Variants in CDH18 observed in about 807,000 individuals in gnomAD.
CDH18 encodes cadherin-18.
CDH18 carries 31 observed loss-of-function variants against 67.9 expected under a neutral mutation model. The ratio of observed to expected loss-of-function variants is 0.46; its 90% CI spans 0.34 to 0.62. The LOEUF (loss-of-function observed/expected upper bound fraction) is 0.62, where lower values mean the gene tolerates loss of function less well. CDH18 is among the 20% of genes least tolerant of loss of function. CDH18 has a pLI of 0.01. For missense variants in CDH18, 890 were observed against 975.5 expected (o/e 0.91, Z 1.17); for synonymous variants, 362 against 347.2 (o/e 1.04, Z -0.48).
At chr5:20,234,612 T>A (rs1373252964) in intron 2 of CDH18, among the ~76,000 whole-genome samples, 2 of 152,096 alleles carry the variant, frequency 1.3e-5, no homozygotes, top group African/African-American at 4.8e-5. Context: ...TCCAGGTTCC[T>A]GAACTGTGAA....
chr5:19,958,811 A>G (rs746608250), intron 2 of CDH18, among the ~76,000 whole-genome samples: 4 of 152,038 alleles, frequency 2.6e-5, no homozygotes, highest in Non-Finnish European at 5.9e-5. Context: ...GTTGCATCGC[A>G]TTTTATGGTT....
chr5:20,118,724 C>CTGTT (rs750744174), intron 2 of CDH18, among the ~76,000 whole-genome samples: 21 of 152,172 alleles, frequency 1.4e-4, no homozygotes, highest in Non-Finnish European at 2.5e-4. Flanking sequence ...TCCCTTCTCG[C>CTGTT]TGTTCCCTTT....
intron 1 of CDH18, among the ~76,000 whole-genome samples, chr5:20,519,973 T>A (rs1755641596): frequency 2.3e-5 from 2 of 85,594 alleles, no homozygotes; most frequent in South Asian, 5.0e-4. Flanking sequence ...TTTTTTTTTT[T>A]TTTTTTTTGT....
At chr5:20,096,987 A>ACT (rs1467550031) in intron 2 of CDH18, among the ~76,000 whole-genome samples, 1 of 152,132 alleles carries the variant, frequency 6.6e-6, no homozygotes, top group African/African-American at 2.4e-5. Flanking sequence ...TGTGACGGAT[A>ACT]CTCAATTGAA....
intron 7 of CDH18, among the ~76,000 whole-genome samples, chr5:19,578,954 C>T (rs1742767470): frequency 6.6e-6 from 1 of 151,882 alleles, no homozygotes; most frequent in Non-Finnish European, 1.5e-5. Context: ...ACTATTTTAA[C>T]TTTGAGTCCT....
chr5:19,613,422 C>T (rs1039713190), intron 5 of CDH18, among the ~76,000 whole-genome samples: 4 of 152,140 alleles, frequency 2.6e-5, no homozygotes, highest in African/African-American at 9.6e-5. Flanking sequence ...GTATCAAAGA[C>T]TAAGAAACTC....
chr5:19,804,860 T>C (rs1371177035), intron 3 of CDH18, among the ~76,000 whole-genome samples: 3 of 152,162 alleles, frequency 2.0e-5, no homozygotes, highest in Non-Finnish European at 4.4e-5. Flanking sequence ...TGAATATGGC[T>C]CAGCCTCTGA....
At chr5:20,409,160 T>C (rs1049047548) in intron 1 of CDH18, among the ~76,000 whole-genome samples, 8 of 151,870 alleles carry the variant, frequency 5.3e-5, no homozygotes, top group African/African-American at 1.4e-4. Context: ...AGCAACACTA[T>C]AGAGCGAATG....
intron 6 of CDH18, among the ~76,000 whole-genome samples, chr5:19,604,247 A>G (rs1372907277): frequency 6.6e-6 from 1 of 152,064 alleles, no homozygotes; most frequent in Admixed American, 6.6e-5. Flanking sequence ...TTACTTGAAT[A>G]AGTCATTCCC....
intron 1 of CDH18, among the ~76,000 whole-genome samples, chr5:20,256,441 G>A (rs530181909): frequency 2.0e-5 from 3 of 152,128 alleles, no homozygotes; most frequent in Admixed American, 2.0e-4. Context: ...TCAAACAGAT[G>A]CCTCAAATAC....
chr5:20,202,830 T>C (rs1043341376), intron 2 of CDH18, among the ~76,000 whole-genome samples: 3 of 152,028 alleles, frequency 2.0e-5, no homozygotes, highest in African/African-American at 7.2e-5. Flanking sequence ...CATACCTATA[T>C]TAATAATAAA....
intron 1 of CDH18, among the ~76,000 whole-genome samples, chr5:20,370,432 G>T (rs1742884465): frequency 6.6e-6 from 1 of 152,066 alleles, no homozygotes; most frequent in African/African-American, 2.4e-5. Flanking sequence ...TCAGGGAAAT[G>T]ATACTAGCTG....
intron 1 of CDH18, among the ~76,000 whole-genome samples, chr5:20,540,854 T>G (rs903458438): frequency 6.6e-6 from 1 of 152,218 alleles, no homozygotes; most frequent in African/African-American, 2.4e-5. Flanking sequence ...TGAAGACCTT[T>G]GTCAAATGCA....
Position 20,111,618 on chromosome 5 carries a change from C to T in CDH18, c.-517-119604G>A, listed in dbSNP as rs575039812. Among the ~76,000 whole-genome samples, 10 of 141,708 alleles carry T rather than the reference C, an allele frequency of 7.1e-5. No homozygotes were observed. In the South Asian group the frequency reaches 1.2e-3, roughly 17 times the overall value. The allele number at this position is 141,708 out of a possible 152,430, so 93.0% of individuals were successfully genotyped here. A position where few individuals can be genotyped will look rare whatever the true frequency, so the allele number is the denominator to read the frequency against. On this transcript the variant is annotated intron_variant, in intron 2 of 14. Coordinates refer to the CDH18 transcript ENST00000507958. Reference sequence around the variant, plus strand: ...CTGGAGTGCTGGTGCGATCTCAGCTCACTGCAACCTCCACCTCCCTGGTTC... The same window carrying T: ...CTGGAGTGCTGGTGCGATCTCAGCTTACTGCAACCTCCACCTCCCTGGTTC...
intron 2 of CDH18, among the ~76,000 whole-genome samples, chr5:20,162,823 C>T (rs1735995535): frequency 6.6e-6 from 1 of 151,844 alleles, no homozygotes; most frequent in South Asian, 2.1e-4. Flanking sequence ...CTTTGGGAGG[C>T]CAAGGCAGGA....
intron 2 of CDH18, among the ~76,000 whole-genome samples, chr5:20,075,660 C>A (rs1743864394): frequency 6.6e-6 from 1 of 151,972 alleles, no homozygotes; most frequent in Non-Finnish European, 1.5e-5. Flanking sequence ...ATTTTTCATG[C>A]GAGGAGAAGG....
At chr5:20,126,147 G>A (rs935610725) in intron 2 of CDH18, among the ~76,000 whole-genome samples, 62 of 152,080 alleles carry the variant, frequency 4.1e-4, no homozygotes, top group African/African-American at 1.3e-3. Context: ...TAAGGAGCGC[G>A]GTCATAAACA....
chr5:19,546,979 A>C (rs1736440529), intron 8 of CDH18, among the ~76,000 whole-genome samples: 1 of 152,218 alleles, frequency 6.6e-6, no homozygotes, highest in Non-Finnish European at 1.5e-5. Flanking sequence ...TACAACTCTA[A>C]AGTAAATCTT....
intron 2 of CDH18, among the ~76,000 whole-genome samples, chr5:20,231,118 A>G (rs1054900312): frequency 6.6e-6 from 1 of 152,196 alleles, no homozygotes; most frequent in African/African-American, 2.4e-5. Flanking sequence ...AATCTGTTTT[A>G]TATTCAAAAT....
Sources: allele counts gnomAD v4.1 joint callset (sites outside exome capture counted in the v4.1 genomes callset), GRCh38; gene constraint gnomAD v4.1.1; transcripts MANE v1.5; gene names NCBI Gene and HGNC (gene_info 2026-07-23, HGNC 2026-07-21).